KYAT1: variants seen among roughly 807,000 people sequenced by gnomAD.
The protein encoded by KYAT1 is kynurenine aminotransferase 1.
Under a neutral mutation model 52.4 loss-of-function variants are expected in KYAT1, and 47 were observed. The observed-to-expected ratio is 0.90, with a 90% confidence interval of 0.71 to 1.14. The LOEUF is 1.14. Among genes scored for constraint, KYAT1 ranks in the 50% most tolerant of loss-of-function variants. KYAT1 has a pLI of 0.00. For missense variants in KYAT1, 480 were observed against 557.9 expected (o/e 0.86, Z 1.41); for synonymous variants, 212 against 209.6 (o/e 1.01, Z -0.10).
intron 1 of KYAT1, chr9:128,847,575 A>G: frequency 7.1e-7 from 1 of 1,413,960 alleles, no homozygotes; most frequent in Non-Finnish European, 9.6e-7. Context: ...GAGGCAGGGG[A>G]GAAGGGAGGA....
At chr9:128,847,597 C>A (rs1318597246) in intron 1 of KYAT1, 2 of 1,058,420 alleles carry the variant, frequency 1.9e-6, no homozygotes, top group African/African-American at 3.2e-5. Flanking sequence ...ACAGCCCTGG[C>A]CAGAAAATGC....
At chr9:128,841,906 G>A (rs1207922646) in intron 3 of KYAT1, among the ~76,000 whole-genome samples, 1 of 150,136 alleles carries the variant, frequency 6.7e-6, no homozygotes, top group Non-Finnish European at 1.5e-5. Context: ...GATCACATGA[G>A]CCCCAGGAAA....
intron 1 of KYAT1, chr9:128,846,571 C>T (rs1376241069): frequency 4.9e-6 from 4 of 822,958 alleles, no homozygotes; most frequent in Admixed American, 6.0e-5. Flanking sequence ...CCACTGCACT[C>T]CTGCCCGACC....
At chr9:128,866,406 C>T (rs1158102022) in intron 1 of KYAT1, among the ~76,000 whole-genome samples, 1 of 151,594 alleles carries the variant, frequency 6.6e-6, no homozygotes, top group Non-Finnish European at 1.5e-5. Flanking sequence ...TTGAGACCAG[C>T]CTGGCCAACA....
Position 128,836,902 on chromosome 9 carries a change from C to T in KYAT1, c.588G>A (p.Leu196=), listed in dbSNP as rs866317907. Residue 196 remains leucine, a synonymous_variant, in exon 7 of 13, where the codon CTG becomes CTA. Transcript: ENST00000302586. The part of the protein sequence containing the change: ...PLGKVFSREE[L]ELVASLCQQH... ...GCTGGCAAAGGCTGGCCACCAGCTCCAGCTCTTCCCTGGAGAACACCTGCA... is the reference window on the plus strand; with the variant it reads ...GCTGGCAAAGGCTGGCCACCAGCTCTAGCTCTTCCCTGGAGAACACCTGCA... 6.2e-7 allele frequency: 1 copy of T among 1,613,302 alleles called. No individual in the cohort carries two copies. The highest frequency in any genetic ancestry group is 1.7e-5 in the Admixed American group (1 of 60,004).
At chr9:128,842,083 T>C in intron 3 of KYAT1, 1 of 329,054 alleles carries the variant, frequency 3.0e-6, no homozygotes, top group Non-Finnish European at 6.2e-6. Context: ...TCCCAGTTAC[T>C]CCAGAGGCTG....
intron 1 of KYAT1, among the ~76,000 whole-genome samples, chr9:128,845,834 A>G (rs1833006463): frequency 6.6e-6 from 1 of 152,222 alleles, no homozygotes; most frequent in African/African-American, 2.4e-5. Flanking sequence ...GCCTCCACTT[A>G]CAGAGGTCTT....
At chr9:128,835,080 T>C in intron 11 of KYAT1, 1 of 497,864 alleles carries the variant, frequency 2.0e-6, no homozygotes, top group Non-Finnish European at 3.6e-6. Flanking sequence ...GAGCTTGCAG[T>C]GAGCCAAGAT....
At chr9:128,843,472 G>T (rs1041668654) in intron 2 of KYAT1, among the ~76,000 whole-genome samples, 1 of 150,548 alleles carries the variant, frequency 6.6e-6, no homozygotes, top group African/African-American at 2.5e-5. Flanking sequence ...TCCGCCTCCC[G>T]AGGTCAAGCG....
intron 1 of KYAT1, among the ~76,000 whole-genome samples, chr9:128,855,157 C>A (rs1834442731): frequency 6.6e-6 from 1 of 152,130 alleles, no homozygotes; most frequent in African/African-American, 2.4e-5. Flanking sequence ...TATTACAAAA[C>A]AATAAATTTG....
At chr9:128,843,551 G>A (rs1163878137) in intron 2 of KYAT1, among the ~76,000 whole-genome samples, 1 of 151,976 alleles carries the variant, frequency 6.6e-6, no homozygotes, top group Non-Finnish European at 1.5e-5. Context: ...GCTAATTTTT[G>A]TATTTTTAGT....
Position 128,835,563 on chromosome 9 carries a change from C to T in KYAT1, c.960G>A (p.Met320Ile), listed in dbSNP as rs1564445786. 5 of 1,613,554 alleles carry T rather than the reference C, an allele frequency of 3.1e-6. No individual in the cohort carries two copies. The Admixed American group carries it at 5.0e-5, about 16-fold the overall frequency. ...PQAMQRCRDH[M>I]IRSLQSVGLK... ...GGCCCACTGACTGTAGGCTACGTAT[C>T]ATGTGGTCACGGCAGCGCTGCATGG... Residue 320 changes from methionine (M) to isoleucine (I), a missense_variant, in exon 10 of 13, where the codon ATG becomes ATA. Transcript: ENST00000302586.
At chr9:128,853,975 C>G (rs1409616020) in intron 1 of KYAT1, among the ~76,000 whole-genome samples, 2 of 152,194 alleles carry the variant, frequency 1.3e-5, no homozygotes, top group Non-Finnish European at 2.9e-5. Flanking sequence ...ATATGGGCAA[C>G]CTGCCAGACA....
intron 1 of KYAT1, among the ~76,000 whole-genome samples, chr9:128,862,925 A>G (rs1835660168): frequency 6.6e-6 from 1 of 152,076 alleles, no homozygotes; most frequent in Admixed American, 6.5e-5. Flanking sequence ...CCCAGGTTCA[A>G]GTGATTCTCA....
chr9:128,845,345 T>C lies in KYAT1; in HGVS notation c.53+8A>G, dbSNP rs749410916. On this transcript the variant is annotated splice_region_variant and intron_variant, in intron 2 of 12. Transcript: ENST00000302586. The stretch of plus-strand genomic sequence containing the variant: ...CACCCACACACCTCCCCAGCCCAGC[T>C]GGCTCACCAGGGGTTGTAGTCGATC... 6.2e-7 allele frequency: 1 copy of C among 1,613,496 alleles called. No homozygotes were observed. The highest frequency in any genetic ancestry group is 1.1e-5 in the South Asian group (1 of 91,048).
chr9:128,851,987 C>A (rs1834014328), intron 1 of KYAT1, among the ~76,000 whole-genome samples: 2 of 152,162 alleles, frequency 1.3e-5, no homozygotes, highest in Non-Finnish European at 2.9e-5. Flanking sequence ...TCGTGGCACT[C>A]ATTATTGCCC....
chr9:128,833,213 AGGT>A lies in KYAT1; in HGVS notation c.*368_*370del. On this transcript the variant is annotated 3_prime_UTR_variant, in exon 13 of 13. Transcript: ENST00000302586. ...CCCCAAGGCCAAGATGAGCCAGGGA[AGGT>A]GAGGTTATACCTGAGCCTTAGCAGG... 1 of 297,208 alleles carries A rather than the reference AGGT, an allele frequency of 3.4e-6. No homozygotes were observed. The highest frequency in any genetic ancestry group is 6.3e-6 in the Non-Finnish European group (1 of 158,564). The allele number at this position is 297,208 out of a possible 1,614,324, so 18.4% of individuals were successfully genotyped here. A position where few individuals can be genotyped will look rare whatever the true frequency, so the allele number is the denominator to read the frequency against.
At chr9:128,866,850 G>T (rs1836459887) in intron 1 of KYAT1, among the ~76,000 whole-genome samples, 1 of 150,916 alleles carries the variant, frequency 6.6e-6, no homozygotes, top group Non-Finnish European at 1.5e-5. Flanking sequence ...AGGTTGTGGT[G>T]AACTGAGATC....
In KYAT1 at chr9:128,842,672, G is replaced by T. The variant is rs1164132935; in HGVS notation, c.183C>A (p.Asn61Lys). 6.2e-7 allele frequency: 1 copy of T among 1,613,950 alleles called. No individual in the cohort carries two copies. Among genetic ancestry groups the T allele is most frequent in the Non-Finnish European group, 8.5e-7 (1 of 1,179,968 alleles). The change falls in exon 3 of 13, where the codon AAC (asparagine) becomes AAA (lysine). Residue 61 changes from asparagine to lysine, a missense_variant. Transcript: ENST00000302586. ...GACTCACAAATGTCTTGGTGTACTGGTTAAGCATGAAGTCTCCACTGACAG... is the reference window on the plus strand; with the variant it reads ...GACTCACAAATGTCTTGGTGTACTGTTTAAGCATGAAGTCTCCACTGACAG... ...QHAVSGDFMLNQYTKTFGYPP... is the reference protein window; with the variant it reads ...QHAVSGDFMLKQYTKTFGYPP...
Sources: gnomAD v4.1 joint callset for allele counts (sites outside exome capture counted in the v4.1 genomes callset) on GRCh38, gnomAD v4.1.1 for gene constraint, MANE v1.5 for transcripts, NCBI Gene and HGNC (gene_info 2026-07-23, HGNC 2026-07-21) for gene names.